ANKMY1: variants seen among roughly 807,000 people sequenced by gnomAD.
The protein encoded by ANKMY1 is ankyrin repeat and MYND domain containing 1, also known as ankyrin repeat and MYND domain-containing protein 1.
In ANKMY1, 98 loss-of-function variants were observed where a neutral mutation model predicts 102.0. That is an observed-to-expected ratio of 0.96 (90% CI 0.82 to 1.14). ANKMY1 has a LOEUF of 1.14. ANKMY1 is among the 50% of genes most tolerant of loss of function. The pLI is 0.00. For missense variants in ANKMY1, 1,330 were observed against 1,347.6 expected (o/e 0.99, Z 0.20); for synonymous variants, 582 against 559.9 (o/e 1.04, Z -0.56).
At chr2:240,516,298 T>C (rs1165230535) in intron 9 of ANKMY1, among the ~76,000 whole-genome samples, 4 of 152,184 alleles carry the variant, frequency 2.6e-5, no homozygotes, top group Admixed American at 2.6e-4. Context: ...TTAAATTCAG[T>C]CTTCTTTACC....
intron 17 of ANKMY1, 106 bp downstream of exon 17, chr2:240,480,831 G>A: frequency 7.0e-7 from 1 of 1,425,444 alleles, no homozygotes; most frequent in Middle Eastern, 2.6e-4. Context: ...GCCTGAATCT[G>A]GAGAGATTTT....
At chr2:240,512,680 C>T (rs1274868487) in intron 10 of ANKMY1, 122 bp downstream of exon 10, 3 of 1,323,880 alleles carry the variant, frequency 2.3e-6, no homozygotes, top group Non-Finnish European at 3.0e-6. Flanking sequence ...ATTTCCACTG[C>T]CCAGGCCCCA....
intron 15 of ANKMY1, among the ~76,000 whole-genome samples, chr2:240,487,382 G>A (rs1225399310): frequency 1.3e-5 from 2 of 152,156 alleles, no homozygotes; most frequent in Admixed American, 1.3e-4. Context: ...TTTATTTGCT[G>A]ATGAACATTT....
downstream of ANKMY1, among the ~76,000 whole-genome samples, chr2:240,475,023 T>A (rs1393470932): frequency 6.6e-6 from 1 of 152,264 alleles, no homozygotes; most frequent in African/African-American, 2.4e-5. Flanking sequence ...ATGGCTGAAC[T>A]AATTTACATT....
the ANKMY1 span, among the ~76,000 whole-genome samples, chr2:240,469,689 CACAT>C: frequency 8.1e-5 from 10 of 123,858 alleles, no homozygotes; most frequent in South Asian, 4.6e-4. Context: ...CACAAACGAA[CACAT>C]ACAACACCCT....
chr2:240,495,425 C>A (rs1435008811), intron 15 of ANKMY1, among the ~76,000 whole-genome samples: 4 of 152,226 alleles, frequency 2.6e-5, no homozygotes, highest in African/African-American at 9.6e-5. Flanking sequence ...CCACCCTGTA[C>A]ACCTGGCTCT....
intron 7 of ANKMY1, among the ~76,000 whole-genome samples, chr2:240,525,237 G>A (rs924742834): frequency 1.3e-5 from 2 of 152,262 alleles, no homozygotes; most frequent in Non-Finnish European, 2.9e-5. Context: ...CCCGATTAAA[G>A]CCTTCTTCCT....
downstream of ANKMY1, among the ~76,000 whole-genome samples, chr2:240,477,537 G>A (rs1354877710): frequency 1.3e-5 from 2 of 151,986 alleles, no homozygotes; most frequent in African/African-American, 2.4e-5. Flanking sequence ...CTGGGACTAC[G>A]GTGTGTGCGA....
intron 4 of ANKMY1, among the ~76,000 whole-genome samples, chr2:240,545,576 A>C (rs374458118): frequency 1.3e-5 from 2 of 152,218 alleles, no homozygotes; most frequent in African/African-American, 2.4e-5. Flanking sequence ...TACGGGAGGA[A>C]ATTCAAACCA....
chr2:240,523,857 AC>A lies in ANKMY1; in HGVS notation c.1832+27del. 2.5e-6 allele frequency: 4 copies of A among 1,600,674 alleles called. No homozygotes were observed. In the South Asian group the frequency reaches 4.4e-5, roughly 18 times the overall value. On this transcript the variant is annotated intron_variant, in intron 8 of 17. Transcript: ENST00000401804. ...GATTCAGCCCTGATGGTGGCCCTCCACCCCCACCAGCTGGTGCCAGGACCTA... is the reference window on the plus strand; with the variant it reads ...GATTCAGCCCTGATGGTGGCCCTCCACCCCACCAGCTGGTGCCAGGACCTA...
At chr2:240,523,076 G>C (rs192041822) in intron 8 of ANKMY1, 1 of 152,292 alleles carries the variant, frequency 6.6e-6, no homozygotes, top group African/African-American at 2.4e-5. Context: ...CTTCTTGCGG[G>C]GAAGCGGTGT....
chr2:240,560,148 G>C (rs1436454845), upstream of ANKMY1: 1 of 152,620 alleles, frequency 6.6e-6, no homozygotes, highest in Non-Finnish European at 1.5e-5. Context: ...TACAAAGCGG[G>C]CCACAAAAAG....
intron 15 of ANKMY1, among the ~76,000 whole-genome samples, chr2:240,498,110 A>G (rs1346791855): frequency 6.6e-6 from 1 of 152,048 alleles, no homozygotes; most frequent in Non-Finnish European, 1.5e-5. Flanking sequence ...GCAAAGGTGC[A>G]TTCATGTGTG....
intron 4 of ANKMY1, 50 bp downstream of exon 4, chr2:240,552,864 G>GAC (rs1208865918): frequency 6.2e-7 from 1 of 1,611,740 alleles, no homozygotes; most frequent in Non-Finnish European, 8.5e-7. Flanking sequence ...CAGTGGCTTA[G>GAC]ACACACACAG....
In ANKMY1 at chr2:240,529,193, C is replaced by T. The variant is rs1415725240; in HGVS notation, c.797G>A (p.Ser266Asn). ...PPEMYVYSTN[S>N]DHLPMTSSFR... The stretch of plus-strand genomic sequence containing the variant: ...AGAGCTTGTCATGGGCAGGTGGTCA[C>T]TGTTGGTCGAGTAGACATACATTTC... Residue 266 changes from serine to asparagine, a missense_variant, in exon 5 of 18, where the codon AGT (serine) becomes AAT (asparagine). By Grantham distance (46) the Ser-to-Asn change is conservative. Transcript: ENST00000401804. The surrounding 1 kb of genome is among the most constrained non-coding windows in gnomAD (Gnocchi z 4.2). 6.2e-7 allele frequency: 1 copy of T among 1,614,222 alleles called. No homozygotes were observed.
intron 8 of ANKMY1, among the ~76,000 whole-genome samples, chr2:240,521,096 G>A (rs1344519425): frequency 6.6e-6 from 1 of 152,146 alleles, no homozygotes; most frequent in Non-Finnish European, 1.5e-5. Flanking sequence ...CTGGGACCAG[G>A]TGGGTGGGGG....
chr2:240,497,786 T>C (rs941375631), intron 15 of ANKMY1, among the ~76,000 whole-genome samples: 2 of 152,218 alleles, frequency 1.3e-5, no homozygotes, highest in African/African-American at 4.8e-5. Flanking sequence ...TGTTTTATGG[T>C]GTGTCTCTCC....
In ANKMY1 at chr2:240,557,425, G is replaced by A. The variant is rs930369584; in HGVS notation, c.-17-73C>T. 8.6e-6 allele frequency: 12 copies of A among 1,394,960 alleles called. No individual in the cohort carries two copies. The African/African-American group carries it at 1.2e-4, about 14-fold the overall frequency. 86.4% of individuals were successfully genotyped at this position (1,394,960 alleles called of 1,614,324 possible). ...CGAACTCAGAGGGCGCCCGAGGCCC[G>A]GCCCGCGGCCCCTGAGCCTCAGAGA... On this transcript the variant is annotated intron_variant, in intron 1 of 17. Transcript: ENST00000401804.
At chr2:240,548,349 T>C (rs2090851812) in intron 4 of ANKMY1, among the ~76,000 whole-genome samples, 1 of 152,308 alleles carries the variant, frequency 6.6e-6, no homozygotes. Flanking sequence ...AATTAGGTAT[T>C]GATGGGACGT....
Sources: gnomAD v4.1 joint callset for allele counts (sites outside exome capture counted in the v4.1 genomes callset) on GRCh38, gnomAD v4.1.1 for gene constraint, Gnocchi (gnomAD v3.1) non-coding constraint, MANE v1.5 for transcripts, NCBI Gene and HGNC (gene_info 2026-07-23, HGNC 2026-07-21) for gene names.